CXCL14: variants seen among roughly 807,000 people sequenced by gnomAD.
The protein encoded by CXCL14 is C-X-C motif chemokine 14.
In CXCL14, 9 loss-of-function variants were observed where a neutral mutation model predicts 16.1. That is an observed-to-expected ratio of 0.56 (90% CI 0.34 to 0.97). The LOEUF (loss-of-function observed/expected upper bound fraction) is 0.97, where lower values mean the gene tolerates loss of function less well. CXCL14 is among the 50% of genes least tolerant of loss of function. The probability of loss-of-function intolerance (pLI) is 0.02; values close to 1 mark genes in which losing one functional copy is unlikely to be tolerated. For missense variants in CXCL14, 111 were observed against 132.5 expected (o/e 0.84, Z 0.80); for synonymous variants, 55 against 52.8 (o/e 1.04, Z -0.18).
intron 3 of CXCL14, 38 bp downstream of exon 3, chr5:135,574,534 G>C (rs958214107): frequency 5.1e-6 from 8 of 1,557,092 alleles, no homozygotes; most frequent in Admixed American, 5.1e-5. Context: ...CCACAGCTGG[G>C]TCTGGTGGGA....
At chr5:135,573,709 CGTGTGTGTGTGTGTGTGT>C (rs3057739) in intron 3 of CXCL14, among the ~76,000 whole-genome samples, 2 of 145,422 alleles carry the variant, frequency 1.4e-5, no homozygotes, top group Admixed American at 6.9e-5. Flanking sequence ...TGCATGCATG[CGTGTGTGTGTGTGTGTGT>C]GTGTGTGTGT....
rs1272313569 is a variant in CXCL14 at position 135,578,736 on chromosome 5, G to A, written c.43C>T (p.Leu15=). ...TCACCGTCCACACGCGCGGTGTACA[G>A]CGCCAGCAGCAGCAGGAGCAGCGCG... The part of the protein sequence containing the change: ...AAALLLLLLA[L]YTARVDGSKC... Residue 15 remains leucine (L), a synonymous_variant, in exon 1 of 4, where the codon CTG becomes TTG. Coordinates refer to ENST00000512158, the MANE Select transcript of CXCL14 (RefSeq NM_004887.5). 1 of 1,548,352 alleles carries A rather than the reference G, an allele frequency of 6.5e-7. No homozygotes were observed. Among genetic ancestry groups the A allele is most frequent in the South Asian group, 1.2e-5 (1 of 83,746 alleles).
chr5:135,578,659 G>A (rs531217502), intron 1 of CXCL14, 56 bp downstream of exon 1: 205 of 1,570,154 alleles, frequency 1.3e-4, no homozygotes, highest in Middle Eastern at 1.7e-4. Context: ...TTGGCGCTTG[G>A]GTTCCCCAGG....
chr5:135,574,495 G>T, intron 3 of CXCL14, 77 bp downstream of exon 3: 1 of 1,148,800 alleles, frequency 8.7e-7, no homozygotes, highest in Non-Finnish European at 1.3e-6. Flanking sequence ...TAGATGACCT[G>T]GTGGGGGGGT....
chr5:135,571,709 T>G lies in CXCL14; in HGVS notation c.*144A>C. 1 of 831,950 alleles carries G rather than the reference T, an allele frequency of 1.2e-6. No individual in the cohort carries two copies. Among genetic ancestry groups the G allele is most frequent in the Non-Finnish European group, 1.8e-6 (1 of 562,890 alleles). 51.5% of individuals were successfully genotyped at this position (831,950 alleles called of 1,614,324 possible). On this transcript the variant is annotated 3_prime_UTR_variant, in exon 4 of 4. Coordinates refer to ENST00000512158, the MANE Select transcript of CXCL14 (RefSeq NM_004887.5). Reference sequence around the variant, plus strand: ...GTAAAAAGTGCTTCATAACAATATATAATTTGTGTCTTATGCCTGTGAGAA... The same window carrying G: ...GTAAAAAGTGCTTCATAACAATATAGAATTTGTGTCTTATGCCTGTGAGAA...
chr5:135,576,596 C>T (rs1286659596), intron 2 of CXCL14, among the ~76,000 whole-genome samples: 4 of 152,200 alleles, frequency 2.6e-5, no homozygotes, highest in Admixed American at 6.5e-5. Flanking sequence ...TGACCCTCTC[C>T]TCCACAGTTC....
chr5:135,574,925 A>C (rs1213716371), intron 2 of CXCL14, among the ~76,000 whole-genome samples: 1 of 151,858 alleles, frequency 6.6e-6, no homozygotes, highest in African/African-American at 2.4e-5. Flanking sequence ...AGCAGCCCTC[A>C]CTTTTCCCCT....
chr5:135,576,168 G>A (rs1751093863), intron 2 of CXCL14, among the ~76,000 whole-genome samples: 1 of 152,152 alleles, frequency 6.6e-6, no homozygotes, highest in African/African-American at 2.4e-5. Flanking sequence ...CTGATGCCAG[G>A]TGATGGTGCC....
chr5:135,578,006 A>C (rs2126866582), intron 2 of CXCL14, among the ~76,000 whole-genome samples: 1 of 152,336 alleles, frequency 6.6e-6, no homozygotes, highest in Admixed American at 6.5e-5. Flanking sequence ...CTCAGGATTT[A>C]AGATAGTGTT....
intron 3 of CXCL14, 43 bp downstream of exon 3, chr5:135,574,529 G>A: frequency 6.5e-7 from 1 of 1,546,032 alleles, no homozygotes; most frequent in Non-Finnish European, 8.9e-7. Context: ...GAGAGCCACA[G>A]CTGGGTCTGG....
chr5:135,578,922 C>T lies in CXCL14; in HGVS notation c.-144G>A, dbSNP rs989102079. ...CCGGCTCTGCTGGCTCCGGCTGCGC[C>T]GTCGGTGGATGCCCAGGGCTGTCTG... On this transcript the variant is annotated 5_prime_UTR_variant, in exon 1 of 4. Coordinates refer to ENST00000512158, the MANE Select transcript of CXCL14 (RefSeq NM_004887.5). The T allele has an allele frequency of 6.9e-6, 6 of 875,132 alleles. No homozygotes were observed. The highest frequency in any genetic ancestry group is 8.2e-6 in the Non-Finnish European group (5 of 611,744). The allele number at this position is 875,132 out of a possible 1,614,324, so 54.2% of individuals were successfully genotyped here.
At chr5:135,577,036 A>G (rs1148360) in intron 2 of CXCL14, among the ~76,000 whole-genome samples, 129,380 of 152,132 alleles carry the variant, frequency 0.85, 55,564 homozygotes, top group East Asian at 1. Context: ...AGCCTTTCTC[A>G]CACTTGCCTA....
chr5:135,573,795 G>A (rs1751059010), intron 3 of CXCL14, among the ~76,000 whole-genome samples: 1 of 152,010 alleles, frequency 6.6e-6, no homozygotes, highest in Non-Finnish European at 1.5e-5. Flanking sequence ...GCGTATCTGA[G>A]GAGTGAGACA....
intron 3 of CXCL14, among the ~76,000 whole-genome samples, chr5:135,573,781 C>G (rs1340726812): frequency 6.6e-6 from 1 of 151,832 alleles, no homozygotes; most frequent in Non-Finnish European, 1.5e-5. Flanking sequence ...TGTAAACAGA[C>G]TCTGCGTATC....
At chr5:135,574,504 G>A in intron 3 of CXCL14, 68 bp downstream of exon 3, 3 of 1,286,708 alleles carry the variant, frequency 2.3e-6, no homozygotes, top group Non-Finnish European at 2.2e-6. Flanking sequence ...TGGTGGGGGG[G>A]TCCCTTCCCA....
Position 135,578,420 on chromosome 5 carries a change from G to A in CXCL14, c.170+14C>T, listed in dbSNP as rs774215455. On this transcript the variant is annotated intron_variant, in intron 2 of 3. Transcript: ENST00000512158. ...GCAGTGCGCACCCCCTCAAGGTGAG[G>A]AGCGAGAACTCACATAACCATCTTC... 2 of 1,607,396 alleles carry A rather than the reference G, an allele frequency of 1.2e-6. No homozygotes were observed. The highest frequency in any genetic ancestry group is 2.2e-5 in the South Asian group (2 of 90,932).
rs111774925 is a variant in CXCL14 at position 135,573,921 on chromosome 5, C to A, written c.284+651G>T. 6.8e-3 allele frequency among the ~76,000 whole-genome samples: 1,042 copies of A among 152,272 alleles called. 9 individuals are homozygous for A. The highest frequency in any genetic ancestry group is 0.023 in the African/African-American group (939 of 41,552). Reference sequence around the variant, plus strand: ...AAGCCACCTTCTGATTTTAAGGAAACAGTGCCCAGTAAGTACAGGGCTGGT... The same window carrying A: ...AAGCCACCTTCTGATTTTAAGGAAAAAGTGCCCAGTAAGTACAGGGCTGGT... On this transcript the variant is annotated intron_variant, in intron 3 of 3. Coordinates refer to ENST00000512158, the MANE Select transcript of CXCL14 (RefSeq NM_004887.5).
At chr5:135,578,124 C>T (rs544164389) in intron 2 of CXCL14, among the ~76,000 whole-genome samples, 1 of 152,192 alleles carries the variant, frequency 6.6e-6, no homozygotes, top group Non-Finnish European at 1.5e-5. Context: ...CACAAGGGAA[C>T]CCTTTAACCC....
intron 3 of CXCL14, among the ~76,000 whole-genome samples, chr5:135,573,807 G>A (rs1015091189): frequency 1.3e-5 from 2 of 151,908 alleles, no homozygotes; most frequent in Non-Finnish European, 2.9e-5. Flanking sequence ...AGTGAGACAG[G>A]ACAGGCTACC....
Sources: gnomAD v4.1 joint callset for allele counts (sites outside exome capture counted in the v4.1 genomes callset) on GRCh38, gnomAD v4.1.1 for gene constraint, MANE v1.5 for transcripts, NCBI Gene and HGNC (gene_info 2026-07-23, HGNC 2026-07-21) for gene names.